The following BMS1 variants were observed in gnomAD, a reference collection of about 807,000 sequenced individuals.
BMS1 encodes the protein ribosome biogenesis protein BMS1 homolog.
BMS1 carries 53 observed loss-of-function variants against 138.7 expected under a neutral mutation model. The observed-to-expected ratio is 0.38, with a 90% CI of 0.31 to 0.48. The LOEUF (loss-of-function observed/expected upper bound fraction) is 0.48, where lower values mean the gene tolerates loss of function less well. BMS1 is among the 20% of genes least tolerant of loss of function. The pLI, the probability that BMS1 is intolerant of heterozygous loss-of-function variation, is 0.97. For synonymous variants in BMS1, 504 were observed against 539.9 expected, an observed-to-expected ratio of 0.93 and a Z score of 0.92; for missense variants, 1,360 against 1,565.5, an observed-to-expected ratio of 0.87 and a Z score of 2.22.
chr10:42,829,131 T>C (rs1842734424), intron 21 of BMS1, among the ~76,000 whole-genome samples: 1 of 152,146 alleles, frequency 6.6e-6, no homozygotes, highest in African/African-American at 2.4e-5. Flanking sequence ...AGAATTTGGG[T>C]CATCCTCCGT....
In BMS1 at chr10:42,802,119, C is replaced by T; in HGVS notation, c.2248-18C>T. On this transcript the variant is annotated intron_variant, in intron 12 of 22. Coordinates refer to ENST00000374518, the MANE Select transcript of BMS1 (RefSeq NM_014753.4). ...GTGATTGGAACACCTCACCTAAGTG[C>T]TGACTTTTCTGCGTAAGGTTATGAA... The T allele has an allele frequency of 6.3e-7, 1 of 1,589,928 alleles. No individual in the cohort carries two copies. Among genetic ancestry groups the T allele is most frequent in the Non-Finnish European group, 8.6e-7 (1 of 1,166,688 alleles).
At position 42,797,024 on chromosome 10, in the gene BMS1, T is replaced by A; in HGVS notation, c.1780T>A (p.Ser594Thr). Reference protein sequence around the residue: ...AEEVFASEDESEESSSLSAEE... With the variant: ...AEEVFASEDETEESSSLSAEE... ...AGAGGTGTTTGCATCTGAAGATGAA[T>A]CTGAAGAAAGCTCCTCACTCAGTGC... Residue 594 changes from serine (S) to threonine (T), a missense_variant, in exon 10 of 23, where the codon TCT becomes ACT. Coordinates refer to ENST00000374518, the MANE Select transcript of BMS1 (RefSeq NM_014753.4). 6.2e-7 allele frequency: 1 copy of A among 1,614,136 alleles called. No homozygotes were observed. The highest frequency in any genetic ancestry group is 1.1e-5 in the South Asian group (1 of 91,078).
intron 13 of BMS1, among the ~76,000 whole-genome samples, chr10:42,808,166 A>C (rs1842063456): frequency 6.6e-6 from 1 of 151,948 alleles, no homozygotes. Context: ...TGAGTTCATT[A>C]TATGTTTAAC....
chr10:42,809,829 A>G (rs540406142), intron 13 of BMS1, among the ~76,000 whole-genome samples: 8 of 152,262 alleles, frequency 5.3e-5, no homozygotes, highest in Admixed American at 3.3e-4. Context: ...TCTGTCACCC[A>G]GGCTGGAGTG....
intron 13 of BMS1, among the ~76,000 whole-genome samples, chr10:42,807,656 GT>G (rs1481915767): frequency 1.3e-5 from 2 of 152,052 alleles, no homozygotes; most frequent in African/African-American, 2.4e-5. Context: ...TTATTTGTTT[GT>G]TTGTTTGTTT....
At position 42,792,989 on chromosome 10, in the gene BMS1, T is replaced by C. The variant is rs1841559827; in HGVS notation, c.934T>C (p.Phe312Leu). ...AGATTTTGCCGTGAGTGACATCAGTTTCCTCCCAGACCCTTGCGCTCTTCC... is the reference window on the plus strand; with the variant it reads ...AGATTTTGCCGTGAGTGACATCAGTCTCCTCCCAGACCCTTGCGCTCTTCC... ...VGDFAVSDISFLPDPCALPEQ... is the reference protein window; with the variant it reads ...VGDFAVSDISLLPDPCALPEQ... Residue 312 changes from phenylalanine to leucine, a missense_variant, in exon 8 of 23, where the codon TTC (phenylalanine) becomes CTC (leucine). By Grantham distance (22) the Phe-to-Leu change is conservative. Coordinates refer to ENST00000374518, the MANE Select transcript of BMS1 (RefSeq NM_014753.4). The C allele has an allele frequency of 1.9e-6, 3 of 1,612,168 alleles. No individual in the cohort carries two copies. Among genetic ancestry groups the C allele is most frequent in the Non-Finnish European group, 1.7e-6 (2 of 1,179,518 alleles).
intron 12 of BMS1, 112 bp downstream of exon 12, chr10:42,798,737 T>TTACA: frequency 7.1e-7 from 1 of 1,407,784 alleles, no homozygotes; most frequent in Non-Finnish European, 9.7e-7. Flanking sequence ...TTTTACAGGA[T>TTACA]TACAGGTCAT....
intron 12 of BMS1, among the ~76,000 whole-genome samples, chr10:42,799,204 G>A (rs1841795608): frequency 6.6e-6 from 1 of 152,070 alleles, no homozygotes; most frequent in South Asian, 2.1e-4. Context: ...CGACCTCCTG[G>A]GCTCAAGGGA....
intron 13 of BMS1, among the ~76,000 whole-genome samples, chr10:42,808,392 G>A (rs369236681): frequency 2.6e-5 from 4 of 151,474 alleles, no homozygotes; most frequent in Non-Finnish European, 2.9e-5. Flanking sequence ...TCTGTCCCCC[G>A]GGTTCATGCC....
At chr10:42,802,262 A>C in intron 13 of BMS1, 44 bp downstream of exon 13, 1 of 1,552,884 alleles carries the variant, frequency 6.4e-7, no homozygotes, top group Non-Finnish European at 8.8e-7. Flanking sequence ...GCTTCTCTAA[A>C]CTTTATTTTC....
chr10:42,818,108 G>C (rs564573153), intron 15 of BMS1, among the ~76,000 whole-genome samples: 1 of 152,198 alleles, frequency 6.6e-6, no homozygotes, highest in Non-Finnish European at 1.5e-5. Flanking sequence ...CATCTGAGTT[G>C]CGTCTTGTTA....
At chr10:42,814,893 C>T (rs1182756805) in intron 13 of BMS1, among the ~76,000 whole-genome samples, 1 of 152,096 alleles carries the variant, frequency 6.6e-6, no homozygotes, top group African/African-American at 2.4e-5. Context: ...GGGACTGAGT[C>T]TGCCTGGGTT....
intron 15 of BMS1, among the ~76,000 whole-genome samples, chr10:42,819,131 T>C (rs1033524928): frequency 6.6e-6 from 1 of 152,034 alleles, no homozygotes; most frequent in Non-Finnish European, 1.5e-5. Context: ...CCGTTGTTGG[T>C]GGAAGAAGTG....
In BMS1 at chr10:42,822,572, A is replaced by G. The variant is rs189025051; in HGVS notation, c.3132+388A>G. Among the ~76,000 whole-genome samples, 199 of 152,360 alleles carry G rather than the reference A, an allele frequency of 1.3e-3. 1 individual carries two copies. Among genetic ancestry groups the G allele is most frequent in the Non-Finnish European group, 1.7e-3 (117 of 68,024 alleles). On this transcript the variant is annotated intron_variant, in intron 19 of 22. Transcript: ENST00000374518. ...AGAAAAATCGACAAAGCATTTGCAGACAACTTGGCAAGGTTACAGAGAAAC... is the reference window on the plus strand; with the variant it reads ...AGAAAAATCGACAAAGCATTTGCAGGCAACTTGGCAAGGTTACAGAGAAAC...
intron 12 of BMS1, 140 bp downstream of exon 12, chr10:42,798,765 T>G: frequency 8.2e-7 from 1 of 1,212,772 alleles, no homozygotes; most frequent in Non-Finnish European, 1.1e-6. Context: ...GATATTGTAG[T>G]GGGCGCTTCA....
chr10:42,820,927 C>G lies in BMS1; in HGVS notation c.2951-7C>G, dbSNP rs773555037. ...CGCTATATTTCTTTTTTTCCTTTTC[C>G]TTTAAGGCCCTATCACTCCACAGGG... On this transcript the variant is annotated splice_polypyrimidine_tract_variant and splice_region_variant and intron_variant, in intron 17 of 22. Coordinates refer to ENST00000374518, the MANE Select transcript of BMS1 (RefSeq NM_014753.4). The G allele has an allele frequency of 6.2e-7, 1 of 1,604,026 alleles. No individual in the cohort carries two copies. The highest frequency in any genetic ancestry group is 1.1e-5 in the South Asian group (1 of 90,808).
At chr10:42,824,695 T>C (rs1444346255) in intron 21 of BMS1, among the ~76,000 whole-genome samples, 2 of 152,234 alleles carry the variant, frequency 1.3e-5, no homozygotes, top group Non-Finnish European at 2.9e-5. Context: ...AATTTTATTC[T>C]TTTGCATGTG....
chr10:42,808,821 ATC>A (rs1224009848), intron 13 of BMS1, among the ~76,000 whole-genome samples: 1 of 152,134 alleles, frequency 6.6e-6, no homozygotes, highest in Admixed American at 6.5e-5. Context: ...CTTTCTGTGA[ATC>A]TGTTTCTGGG....
intron 19 of BMS1, 68 bp from the exon 20 acceptor site, chr10:42,823,050 G>C: frequency 1.5e-6 from 2 of 1,321,744 alleles, no homozygotes; most frequent in Non-Finnish European, 2.0e-6. Context: ...ATGTATGTTT[G>C]AAGTAAGAAG....
Sources: gnomAD v4.1 joint callset for allele counts (sites outside exome capture counted in the v4.1 genomes callset) on GRCh38, gnomAD v4.1.1 for gene constraint, MANE v1.5 for transcripts, NCBI Gene and HGNC (gene_info 2026-07-23, HGNC 2026-07-21) for gene names.